Variants in SRMS observed in about 807,000 individuals in gnomAD.
SRMS encodes the protein src-related kinase lacking C-terminal regulatory tyrosine and N-terminal myristylation sites.
Under a neutral mutation model 43.5 loss-of-function variants are expected in SRMS, and 42 were observed. The ratio of observed to expected loss-of-function variants is 0.97; its 90% confidence interval spans 0.75 to 1.25. The LOEUF is 1.25. Ranked by LOEUF, SRMS falls within the 50% of genes most tolerant of loss-of-function variation. The pLI is 0.00. For synonymous variants in SRMS, 316 were observed against 308.2 expected, an observed-to-expected ratio of 1.03 and a Z score of -0.27; for missense variants, 703 against 681.0, an observed-to-expected ratio of 1.03 and a Z score of -0.36.
At position 63,538,838 on chromosome 20, in the gene SRMS, A is replaced by G. The variant is rs1363507807; in HGVS notation, c.*1980T>C. Among the ~76,000 whole-genome samples the G allele has an allele frequency of 1.3e-5, 2 of 152,080 alleles. No individual in the cohort carries two copies. The highest frequency in any genetic ancestry group is 2.9e-5 in the Non-Finnish European group (2 of 67,974). ...GTCCAGGAAGCCTCGAGTATCCCTG[A>G]GTTCGGACGTGCAGGACTTTCAGTC... On this transcript the variant is annotated 3_prime_UTR_variant, in exon 8 of 8. Transcript: ENST00000217188.
chr20:63,543,715 C>T (rs1043927193), intron 2 of SRMS: 1 of 524,586 alleles, frequency 1.9e-6, no homozygotes, highest in African/African-American at 1.9e-5. Flanking sequence ...AGAGTAGGCA[C>T]TTAATAAATA....
intron 2 of SRMS, among the ~76,000 whole-genome samples, chr20:63,543,958 GATGAATGGATGAATGAA>G (rs1328613402): frequency 1.4e-5 from 2 of 143,086 alleles, no homozygotes; most frequent in Non-Finnish European, 3.0e-5. Flanking sequence ...GAGTGAATGA[GATGAATGGATGAATGAA>G]TGAATGAGTG....
At position 63,547,183 on chromosome 20, in the gene SRMS, G is replaced by A. The variant is rs777493627; in HGVS notation, c.281C>T (p.Ser94Leu). ...CACGAGCCCGGCGCTGGGCTGGCCC[G>A]AAAGCCTGCGTGCGAAGATGTAGCC... ...GGGYIFARRL[S>L]GQPSAGLVPI... The change falls in exon 1 of 8, where the codon TCG becomes TTG. Residue 94 changes from serine (S) to leucine (L), a missense_variant. Physicochemically the swap from Ser to Leu is moderately radical, Grantham distance 145. Transcript: ENST00000217188. 2.0e-5 allele frequency: 32 copies of A among 1,611,786 alleles called. No individual in the cohort carries two copies. Among genetic ancestry groups the A allele is most frequent in the African/African-American group, 5.3e-5 (4 of 74,882 alleles).
At chr20:63,541,662 C>T (rs1318900944) in intron 5 of SRMS, 42 bp from the exon 6 acceptor site, 19 of 1,464,090 alleles carry the variant, frequency 1.3e-5, no homozygotes, top group South Asian at 5.4e-5. Flanking sequence ...ACGGGGCCAA[C>T]GGCCGGTGAG....
rs2082716425 is a variant in SRMS at position 63,543,704 on chromosome 20, CA to C, written c.479-225del. On this transcript the variant is annotated intron_variant, in intron 2 of 7. Coordinates refer to ENST00000217188, the MANE Select transcript of SRMS (RefSeq NM_080823.4). ...GGAGCTTTTCTGCTGACGGTGTGCA[CA>C]GAGTAGGCACTTAATAAATACTTGT... is the stretch of plus-strand genomic sequence containing the variant. 2.5e-5 allele frequency: 14 copies of C among 563,358 alleles called. No individual in the cohort carries two copies. In the South Asian group the frequency reaches 3.4e-4, roughly 14 times the overall value. The allele number at this position is 563,358 out of a possible 1,614,324, so 34.9% of individuals were successfully genotyped here. A position where few individuals can be genotyped will look rare whatever the true frequency, so the allele number is the denominator to read the frequency against.
In SRMS at chr20:63,540,612, T is replaced by C. The variant is rs1202068930; in HGVS notation, c.*206A>G. Reference sequence around the variant, plus strand: ...GGGACGTCAGCCCCAGCCCTCCGTCTGCACGAGTCACACTGCACGGGGGAC... The same window carrying C: ...GGGACGTCAGCCCCAGCCCTCCGTCCGCACGAGTCACACTGCACGGGGGAC... On this transcript the variant is annotated 3_prime_UTR_variant, in exon 8 of 8. Transcript: ENST00000217188. Among the ~76,000 whole-genome samples, 1 of 151,562 alleles carries C rather than the reference T, an allele frequency of 6.6e-6. No individual in the cohort carries two copies. Among genetic ancestry groups the C allele is most frequent in the Non-Finnish European group, 1.5e-5 (1 of 67,890 alleles).
chr20:63,540,023 G>A lies in SRMS; in HGVS notation c.*795C>T, dbSNP rs576833089. 3.0e-4 allele frequency among the ~76,000 whole-genome samples: 46 copies of A among 152,342 alleles called. No homozygotes were observed. The highest frequency in any genetic ancestry group is 1.0e-3 in the South Asian group (5 of 4,830). Reference sequence around the variant, plus strand: ...GATGTCCTGGGCTGGGGGTCCGGGCGGCATGGGGGCCGCTCCAACCTGCAT... The same window carrying A: ...GATGTCCTGGGCTGGGGGTCCGGGCAGCATGGGGGCCGCTCCAACCTGCAT... On this transcript the variant is annotated 3_prime_UTR_variant, in exon 8 of 8. Transcript: ENST00000217188.
At chr20:63,544,165 C>A in intron 2 of SRMS, 62 bp downstream of exon 2, 1 of 1,377,538 alleles carries the variant, frequency 7.3e-7, no homozygotes, top group Non-Finnish European at 9.4e-7. Flanking sequence ...AGACCAACCA[C>A]CCCAAGGTCA....
At chr20:63,542,906 C>T (rs963887640) in intron 3 of SRMS, among the ~76,000 whole-genome samples, 5 of 152,192 alleles carry the variant, frequency 3.3e-5, no homozygotes, top group Admixed American at 6.5e-5. Context: ...TGGCTCACAT[C>T]GGGGACAGTC....
rs2082714362 is a variant in SRMS at position 63,543,362 on chromosome 20, G to A, written c.597C>T (p.Ala199=). 2 of 1,612,704 alleles carry A rather than the reference G, an allele frequency of 1.2e-6. No homozygotes were observed. Among genetic ancestry groups the A allele is most frequent in the East Asian group, 2.2e-5 (1 of 44,904 alleles). The change falls in exon 3 of 8, where the codon GCC becomes GCT. Residue 199 remains alanine, a synonymous_variant. Coordinates refer to ENST00000217188, the MANE Select transcript of SRMS (RefSeq NM_080823.4). The part of the protein sequence containing the change: ...GLEELLTYYK[A]NWKLIQNPLL... ...GGGGGTTCTGGATCAGCTTCCAGTT[G>A]GCCTTGTAGTAGGTGAGCAGCTCCT...
chr20:63,544,115 C>G, intron 2 of SRMS, 112 bp downstream of exon 2: 1 of 1,273,950 alleles, frequency 7.8e-7, no homozygotes, highest in South Asian at 2.1e-5. Flanking sequence ...GTTGGGCCCT[C>G]AGTGGCGCCG....
rs544758833 is a variant in SRMS, at chr20:63,542,223, C to T, written c.886G>A (p.Glu296Lys). 8.1e-6 allele frequency: 13 copies of T among 1,612,656 alleles called. No individual in the cohort carries two copies. The South Asian group carries it at 1.1e-4, about 14-fold the overall frequency. The change falls in exon 5 of 8, where the codon GAG (glutamate) becomes AAG (lysine). Residue 296 changes from glutamate to lysine, a missense_variant. By Grantham distance (56) the Glu-to-Lys change is moderately conservative. Coordinates refer to ENST00000217188, the MANE Select transcript of SRMS (RefSeq NM_080823.4). ...AGTTCCGTGACGATGTACACAGGCTCCCCGCCCGAGCACACTGCGTGCAGC... is the reference window on the plus strand; with the variant it reads ...AGTTCCGTGACGATGTACACAGGCTTCCCGCCCGAGCACACTGCGTGCAGC... ...IRLHAVCSGG[E>K]PVYIVTELMR...
chr20:63,541,165 C>T (rs777014583), intron 7 of SRMS, 26 bp downstream of exon 7: 8 of 1,546,656 alleles, frequency 5.2e-6, no homozygotes, highest in South Asian at 1.2e-5. Context: ...AGCCTGCATC[C>T]TCCCTCTGGC....
chr20:63,545,745 C>T (rs972117273), intron 1 of SRMS, among the ~76,000 whole-genome samples: 7 of 152,274 alleles, frequency 4.6e-5, no homozygotes, highest in Middle Eastern at 3.4e-3. Flanking sequence ...ACTCCATGGA[C>T]GCTCTGTCCA....
In SRMS at chr20:63,541,294, C is replaced by G; in HGVS notation, c.1182G>C (p.Ala394=). Residue 394 remains alanine (A), a synonymous_variant, in exon 7 of 8, where the codon GCG becomes GCC. Coordinates refer to ENST00000217188, the MANE Select transcript of SRMS (RefSeq NM_080823.4). ...SSSKIPVKWT[A]PEAANYRVFS... is the part of the protein sequence containing the mutation. ...AGACACGATAATTGGCCGCCTCAGG[C>G]GCTGTCCACTTGACCGGGATCTTGG... The G allele has an allele frequency of 6.4e-7, 1 of 1,560,820 alleles. No individual in the cohort carries two copies. Among genetic ancestry groups the G allele is most frequent in the Non-Finnish European group, 8.6e-7 (1 of 1,157,284 alleles).
At chr20:63,543,792 GTGAATGAA>G in intron 2 of SRMS, 1 of 380,378 alleles carries the variant, frequency 2.6e-6, no homozygotes, top group Non-Finnish European at 4.7e-6. Flanking sequence ...AGAAGGAAAA[GTGAATGAA>G]TGAATGAACG....
chr20:63,540,888 C>A lies in SRMS; in HGVS notation c.1397G>T (p.Ser466Ile). 1 of 1,606,306 alleles carries A rather than the reference C, an allele frequency of 6.2e-7. No individual in the cohort carries two copies. The highest frequency in any genetic ancestry group is 2.2e-5 in the East Asian group (1 of 44,862). ...YVLMLECWRS[S>I]PEERPSFATL... ...GGCGAAGGAGGGCCGTTCCTCGGGG[C>A]TGCTCCTCCAGCACTCCAGCATGAG... The change falls in exon 8 of 8, where the codon AGC becomes ATC. Residue 466 changes from serine to isoleucine, a missense_variant. By Grantham distance (142) the Ser-to-Ile change is moderately radical. Coordinates refer to ENST00000217188, the MANE Select transcript of SRMS (RefSeq NM_080823.4).
Position 63,538,534 on chromosome 20 carries a change from C to T in SRMS, c.*2284G>A, listed in dbSNP as rs1320106117. Reference sequence around the variant, plus strand: ...TTTATTGCAAAGAGAAATAATGGCACCTTCCACTCATTGTTTTGAGATTAA... The same window carrying T: ...TTTATTGCAAAGAGAAATAATGGCATCTTCCACTCATTGTTTTGAGATTAA... On this transcript the variant is annotated 3_prime_UTR_variant, in exon 8 of 8. Coordinates refer to ENST00000217188, the MANE Select transcript of SRMS (RefSeq NM_080823.4). Among the ~76,000 whole-genome samples, 2 of 152,194 alleles carry T rather than the reference C, an allele frequency of 1.3e-5. No homozygotes were observed. The highest frequency in any genetic ancestry group is 2.1e-4 in the South Asian group (1 of 4,832).
chr20:63,541,643 T>C (rs1333820313), intron 5 of SRMS, 23 bp from the exon 6 acceptor site: 1 of 1,487,624 alleles, frequency 6.7e-7, no homozygotes, highest in Non-Finnish European at 8.9e-7. Context: ...GCGCGGGGTC[T>C]TTTAGGGCAC....
Sources: gnomAD v4.1 joint callset for allele counts (sites outside exome capture counted in the v4.1 genomes callset) on GRCh38, gnomAD v4.1.1 for gene constraint, MANE v1.5 for transcripts, NCBI Gene and HGNC (gene_info 2026-07-23, HGNC 2026-07-21) for gene names.